Variants in TMEM45B observed in about 807,000 individuals in gnomAD.
TMEM45B encodes the protein transmembrane protein 45B.
Under a neutral mutation model 27.3 loss-of-function variants are expected in TMEM45B, and 29 were observed. The ratio of observed to expected loss-of-function variants is 1.06; its 90% CI spans 0.79 to 1.45. The LOEUF is 1.45. Ranked by LOEUF, TMEM45B falls within the 40% of genes most tolerant of loss-of-function variation. The pLI is 0.00. For synonymous variants in TMEM45B, 143 were observed against 134.7 expected (o/e 1.06, Z -0.43); for missense variants, 348 against 343.9 (o/e 1.01, Z -0.09).
intron 1 of TMEM45B, among the ~76,000 whole-genome samples, chr11:129,830,046 A>G (rs568900750): frequency 8.7e-4 from 133 of 152,382 alleles, no homozygotes; most frequent in Middle Eastern, 3.4e-3. Context: ...AAAATAGATC[A>G]GAGGTCAGGT....
chr11:129,830,292 A>C (rs187147446), intron 1 of TMEM45B, among the ~76,000 whole-genome samples: 2 of 152,292 alleles, frequency 1.3e-5, no homozygotes, highest in East Asian at 3.9e-4. Flanking sequence ...ATGCCATTGC[A>C]CTCCAGCCTG....
chr11:129,847,769 C>G (rs1231664383), intron 1 of TMEM45B, among the ~76,000 whole-genome samples: 1 of 152,144 alleles, frequency 6.6e-6, no homozygotes, highest in Non-Finnish European at 1.5e-5. Context: ...AATGAAAAGT[C>G]TCCCATGTCT....
chr11:129,839,585 A>T (rs535186526), intron 1 of TMEM45B, among the ~76,000 whole-genome samples: 40 of 152,328 alleles, frequency 2.6e-4, no homozygotes, highest in African/African-American at 9.1e-4. Flanking sequence ...GTGGAGTGAC[A>T]CGGAGTGTCA....
At chr11:129,826,275 C>T (rs537084417) in intron 1 of TMEM45B, among the ~76,000 whole-genome samples, 1 of 151,994 alleles carries the variant, frequency 6.6e-6, no homozygotes, top group Non-Finnish European at 1.5e-5. Context: ...AGAGGCCGGG[C>T]GCGGTGGCTC....
intron 5 of TMEM45B, 34 bp downstream of exon 5, chr11:129,857,492 T>C (rs1218497324): frequency 6.2e-6 from 10 of 1,612,554 alleles, no homozygotes; most frequent in Non-Finnish European, 6.8e-6. Flanking sequence ...CTTTTCCTCC[T>C]AACTCTAAGC....
At chr11:129,820,406 T>C (rs1245584887) in intron 1 of TMEM45B, among the ~76,000 whole-genome samples, 3 of 152,126 alleles carry the variant, frequency 2.0e-5, no homozygotes, top group Non-Finnish European at 2.9e-5. Context: ...GCATCTGCCA[T>C]AGTGTGTTTT....
In TMEM45B at chr11:129,847,699, T is replaced by C. The variant is rs1947781865; in HGVS notation, c.-8-4776T>C. On this transcript the variant is annotated intron_variant, in intron 1 of 5. Transcript: ENST00000281441. The stretch of plus-strand genomic sequence containing the variant: ...GCACATGTTTCAGAGAGCACAGGGT[T>C]GGGGGTAAGGTCATAGATCAACAGG... Among the ~76,000 whole-genome samples, 3 of 152,020 alleles carry C rather than the reference T, an allele frequency of 2.0e-5. No individual in the cohort carries two copies. The South Asian group carries it at 6.2e-4, about 32-fold the overall frequency.
At chr11:129,840,748 G>A (rs1465190457) in intron 1 of TMEM45B, among the ~76,000 whole-genome samples, 1 of 151,588 alleles carries the variant, frequency 6.6e-6, no homozygotes, top group Admixed American at 6.6e-5. Context: ...AGCTGGGCGT[G>A]GTGGTGCACG....
intron 1 of TMEM45B, among the ~76,000 whole-genome samples, chr11:129,847,421 T>A (rs184194898): frequency 6.6e-6 from 1 of 151,136 alleles, no homozygotes; most frequent in African/African-American, 2.5e-5. Flanking sequence ...TTTTTTATTT[T>A]TTTTTATTGA....
rs980832984 is a variant in TMEM45B at position 129,854,907 on chromosome 11, TATA to T, written c.385+96_385+98del. On this transcript the variant is annotated intron_variant, in intron 3 of 5. Coordinates refer to ENST00000281441, the MANE Select transcript of TMEM45B (RefSeq NM_138788.5). The stretch of plus-strand genomic sequence containing the variant: ...TACAAAATATCAGAAATGTTGCAAA[TATA>T]ATAACCTCCCCCAGAAAATCCACAT... The T allele has an allele frequency of 3.5e-6, 5 of 1,438,900 alleles. No individual in the cohort carries two copies. In the African/African-American group the frequency reaches 7.0e-5, roughly 20 times the overall value. The allele number at this position is 1,438,900 out of a possible 1,614,324, so 89.1% of individuals were successfully genotyped here. A position where few individuals can be genotyped will look rare whatever the true frequency, so the allele number is the denominator to read the frequency against.
intron 1 of TMEM45B, among the ~76,000 whole-genome samples, chr11:129,826,567 A>AAAAAAAAAAAAAAAAAT (rs1199881268): frequency 1.0e-5 from 1 of 96,126 alleles, no homozygotes; most frequent in Non-Finnish European, 2.0e-5. Flanking sequence ...AAAAAAAAAA[A>AAAAAAAAAAAAAAAAAT]AGGACCCTGA....
chr11:129,821,126 C>A (rs1947414529), intron 1 of TMEM45B, among the ~76,000 whole-genome samples: 1 of 151,960 alleles, frequency 6.6e-6, no homozygotes, highest in African/African-American at 2.4e-5. Context: ...ACACCATGAT[C>A]TTTACATTTC....
chr11:129,848,296 C>T (rs1248065200), intron 1 of TMEM45B, among the ~76,000 whole-genome samples: 9 of 152,156 alleles, frequency 5.9e-5, no homozygotes, highest in Non-Finnish European at 1.3e-4. Flanking sequence ...GGATCACTCG[C>T]GGTTAGGAGC....
chr11:129,842,036 C>T lies in TMEM45B; in HGVS notation c.-8-10439C>T, dbSNP rs139201978. 5.3e-4 allele frequency among the ~76,000 whole-genome samples: 81 copies of T among 152,206 alleles called. 1 individual carries two copies. Among genetic ancestry groups the T allele is most frequent in the Middle Eastern group, 3.4e-3 (1 of 294 alleles). ...ATTCTGGAGTTGGAAGGTACAATTT[C>T]GAATTCACTAGATGGGCTCAATAGC... is the stretch of plus-strand genomic sequence containing the variant. On this transcript the variant is annotated intron_variant, in intron 1 of 5. Transcript: ENST00000281441.
intron 1 of TMEM45B, among the ~76,000 whole-genome samples, chr11:129,819,805 C>T (rs1469843191): frequency 2.0e-5 from 3 of 151,814 alleles, no homozygotes; most frequent in Non-Finnish European, 2.9e-5. Context: ...CTGCCCCCCT[C>T]GGCCTCCCAA....
In TMEM45B at chr11:129,857,405, G is replaced by C; in HGVS notation, c.663G>C (p.Trp221Cys). 6.2e-7 allele frequency: 1 copy of C among 1,614,142 alleles called. No individual in the cohort carries two copies. Among genetic ancestry groups the C allele is most frequent in the South Asian group, 1.1e-5 (1 of 91,078 alleles). The stretch of plus-strand genomic sequence containing the variant: ...TGTTCATCACCATGTGCTTCTGCTG[G>C]CACTACCTGGCTGCCCTCAGCATTG... Reference protein sequence around the residue: ...NLMFITMCFCWHYLAALSIVA... With the variant: ...NLMFITMCFCCHYLAALSIVA... Residue 221 changes from tryptophan (W) to cysteine (C), a missense_variant, in exon 5 of 6, where the codon TGG becomes TGC. By Grantham distance (215) the Trp-to-Cys change is radical (BLOSUM62 -2). Transcript: ENST00000281441.
chr11:129,842,377 C>T (rs1214809376), intron 1 of TMEM45B, among the ~76,000 whole-genome samples: 1 of 152,170 alleles, frequency 6.6e-6, no homozygotes, highest in Non-Finnish European at 1.5e-5. Flanking sequence ...AAGCATCACA[C>T]TTCCTGTGTT....
At chr11:129,841,927 A>T (rs61913682) in intron 1 of TMEM45B, among the ~76,000 whole-genome samples, 40,222 of 152,108 alleles carry the variant, frequency 0.26, 6,000 homozygotes, top group East Asian at 0.36. Flanking sequence ...TGTTCAAGGA[A>T]TTAAAAGAAA....
intron 1 of TMEM45B, among the ~76,000 whole-genome samples, chr11:129,818,710 A>C (rs1315361922): frequency 6.6e-6 from 1 of 152,202 alleles, no homozygotes; most frequent in African/African-American, 2.4e-5. Flanking sequence ...CAGAATCTAA[A>C]TTTAGAAACT....
Sources: allele counts gnomAD v4.1 joint callset (sites outside exome capture counted in the v4.1 genomes callset), GRCh38; gene constraint gnomAD v4.1.1; transcripts MANE v1.5; gene names NCBI Gene and HGNC (gene_info 2026-07-23, HGNC 2026-07-21).